Variants in DGKB observed in about 807,000 individuals in gnomAD.
The protein encoded by DGKB is diacylglycerol kinase beta, also known as 90 kDa diacylglycerol kinase.
A neutral mutation model predicts 114.3 loss-of-function variants in DGKB; 67 were observed. The ratio of observed to expected loss-of-function variants is 0.59; its 90% confidence interval spans 0.48 to 0.72. DGKB has a LOEUF of 0.72. DGKB is among the 30% of genes least tolerant of loss of function. The pLI is 0.00. For synonymous variants in DGKB, 398 were observed against 323.1 expected (o/e 1.23, Z -2.49); for missense variants, 907 against 975.2 (o/e 0.93, Z 0.93).
intron 18 of DGKB, 71 bp from the exon 19 acceptor site, chr7:14,581,022 G>T: frequency 9.5e-7 from 1 of 1,051,360 alleles, no homozygotes; most frequent in Non-Finnish European, 1.4e-6. Flanking sequence ...TAAAAAGATA[G>T]CCTGATGACA....
chr7:14,401,408 G>A (rs1823073837), intron 21 of DGKB, among the ~76,000 whole-genome samples: 9 of 151,956 alleles, frequency 5.9e-5, no homozygotes, highest in Middle Eastern at 3.4e-3. Context: ...AGAGAAACAT[G>A]TTATGATGTT....
chr7:14,652,911 T>A (rs1165941474), intron 13 of DGKB, among the ~76,000 whole-genome samples: 3 of 151,978 alleles, frequency 2.0e-5, no homozygotes, highest in African/African-American at 7.3e-5. Context: ...AAAATGCTCA[T>A]CATCACTGGC....
intron 23 of DGKB, among the ~76,000 whole-genome samples, chr7:14,255,341 T>A (rs897687929): frequency 3.1e-4 from 47 of 152,180 alleles, no homozygotes; most frequent in African/African-American, 1.1e-3. Flanking sequence ...CTACTACACA[T>A]AATGCAATCA....
chr7:14,643,578 C>G (rs1200407202), intron 13 of DGKB, among the ~76,000 whole-genome samples: 3 of 152,070 alleles, frequency 2.0e-5, no homozygotes, highest in East Asian at 3.9e-4. Context: ...ACTGTGTTCC[C>G]AGCATCTGAG....
Position 14,697,963 on chromosome 7 carries a change from AG to A in DGKB, c.591+131del, listed in dbSNP as rs1442189327. 1.9e-4 allele frequency: 116 copies of A among 621,496 alleles called. No homozygotes were observed. In the African/African-American group the frequency reaches 2.2e-3, roughly 12 times the overall value. 38.5% of individuals were successfully genotyped at this position (621,496 alleles called of 1,614,324 possible). ...AGAAACAGAAAGGGAGATAGAAGGA[AG>A]GAAAGAAAGAAAGAAAGAGAGAGAG... On this transcript the variant is annotated intron_variant, in intron 8 of 25. Transcript: ENST00000402815.
At chr7:14,877,261 T>C (rs1853436474) in intron 1 of DGKB, among the ~76,000 whole-genome samples, 1 of 152,142 alleles carries the variant, frequency 6.6e-6, no homozygotes, top group Non-Finnish European at 1.5e-5. Context: ...AATATCCTTT[T>C]GAAAAATTTT....
chr7:14,585,765 C>T (rs1332894591), intron 17 of DGKB, among the ~76,000 whole-genome samples: 1 of 152,158 alleles, frequency 6.6e-6, no homozygotes, highest in African/African-American at 2.4e-5. Flanking sequence ...GTCTGTGTCA[C>T]ATTTTTGTAA....
intron 17 of DGKB, among the ~76,000 whole-genome samples, chr7:14,604,471 T>G (rs1481288144): frequency 6.6e-6 from 1 of 152,008 alleles, no homozygotes; most frequent in Admixed American, 6.6e-5. Context: ...TAAAAAAGAA[T>G]TTGGAAGAAT....
chr7:14,577,426 G>A (rs1334411706), intron 19 of DGKB, among the ~76,000 whole-genome samples: 1 of 152,108 alleles, frequency 6.6e-6, no homozygotes, highest in Non-Finnish European at 1.5e-5. Context: ...GACCATTCTG[G>A]CTAACACGGT....
chr7:14,634,903 G>A (rs912391379), intron 13 of DGKB, among the ~76,000 whole-genome samples: 4 of 151,358 alleles, frequency 2.6e-5, no homozygotes, highest in East Asian at 1.9e-4. Context: ...TAAAAAGGAC[G>A]TGAGATAAAA....
chr7:14,734,146 T>A (rs1280546972), intron 5 of DGKB, among the ~76,000 whole-genome samples: 2 of 151,998 alleles, frequency 1.3e-5, no homozygotes, highest in Admixed American at 1.3e-4. Context: ...GTGATTCTCC[T>A]GTTTCAGCCT....
chr7:14,803,830 A>G (rs1347858988), intron 2 of DGKB, among the ~76,000 whole-genome samples: 1 of 152,100 alleles, frequency 6.6e-6, no homozygotes, highest in Non-Finnish European at 1.5e-5. Flanking sequence ...TGCTTAATAC[A>G]AATAATCAAT....
chr7:14,600,132 C>T (rs75894075), intron 17 of DGKB, among the ~76,000 whole-genome samples: 4,197 of 152,166 alleles, frequency 0.028, 208 homozygotes, highest in African/African-American at 0.096. Flanking sequence ...AAGGATGGCA[C>T]GTTCTTGATG....
chr7:14,264,223 C>CA (rs1797178271), intron 23 of DGKB, among the ~76,000 whole-genome samples: 1 of 152,116 alleles, frequency 6.6e-6, no homozygotes, highest in Non-Finnish European at 1.5e-5. Flanking sequence ...ATGACATATC[C>CA]AGGTGAAGCA....
intron 21 of DGKB, among the ~76,000 whole-genome samples, chr7:14,439,169 C>G (rs1829708241): frequency 6.6e-6 from 1 of 152,194 alleles, no homozygotes; most frequent in East Asian, 1.9e-4. Context: ...AATCCCCAAA[C>G]TCTCCCCTTT....
chr7:14,376,377 C>T (rs1818485662), intron 21 of DGKB, among the ~76,000 whole-genome samples: 1 of 152,148 alleles, frequency 6.6e-6, no homozygotes, highest in African/African-American at 2.4e-5. Flanking sequence ...TTTTAAAATA[C>T]ATTTTCTATC....
chr7:14,898,278 T>G (rs182056966), intron 1 of DGKB, among the ~76,000 whole-genome samples: 1 of 152,150 alleles, frequency 6.6e-6, no homozygotes, highest in Admixed American at 6.6e-5. Flanking sequence ...GGTGCAACAT[T>G]GTGCGAACTG....
chr7:14,322,019 G>T (rs931990510), intron 23 of DGKB, among the ~76,000 whole-genome samples: 1 of 152,118 alleles, frequency 6.6e-6, no homozygotes, highest in Non-Finnish European at 1.5e-5. Flanking sequence ...TTAGAGGGGA[G>T]ACATTAACAA....
chr7:14,965,268 T>C (rs934451084), intron 1 of DGKB, among the ~76,000 whole-genome samples: 4 of 152,136 alleles, frequency 2.6e-5, no homozygotes, highest in Non-Finnish European at 5.9e-5. Flanking sequence ...GTGTACACTG[T>C]ACTTTGAAAA....
Sources: allele counts gnomAD v4.1 joint callset (sites outside exome capture counted in the v4.1 genomes callset), GRCh38; gene constraint gnomAD v4.1.1; transcripts MANE v1.5; gene names NCBI Gene and HGNC (gene_info 2026-07-23, HGNC 2026-07-21).